Variants in CCDC39 observed in about 807,000 individuals in gnomAD.
CCDC39 encodes coiled-coil domain-containing protein 39.
Under a neutral mutation model 121.0 loss-of-function variants are expected in CCDC39, and 113 were observed. The ratio of observed to expected loss-of-function variants is 0.93; its 90% CI spans 0.80 to 1.09. The LOEUF (loss-of-function observed/expected upper bound fraction) is 1.09. Among genes scored for constraint, CCDC39 ranks in the 50% least tolerant of loss-of-function variants. The probability of loss-of-function intolerance (pLI) is 0.00; values close to 1 mark genes in which losing one functional copy is unlikely to be tolerated. For missense variants in CCDC39, 1,063 were observed against 1,074.7 expected (o/e 0.99, Z 0.15); for synonymous variants, 349 against 352.2 (o/e 0.99, Z 0.10).
At chr3:180,632,067 A>G (rs962693361) in intron 13 of CCDC39, among the ~76,000 whole-genome samples, 8 of 152,188 alleles carry the variant, frequency 5.3e-5, no homozygotes, top group African/African-American at 1.9e-4. Flanking sequence ...GTAGATTTGC[A>G]TCACAGCTGA....
chr3:180,624,602 G>A (rs545532017), intron 14 of CCDC39, among the ~76,000 whole-genome samples: 1 of 151,836 alleles, frequency 6.6e-6, no homozygotes, highest in African/African-American at 2.4e-5. Flanking sequence ...CTGTACTTTT[G>A]TGTGTTTTCA....
At chr3:180,638,206 T>C (rs918941593) in intron 13 of CCDC39, among the ~76,000 whole-genome samples, 6 of 152,008 alleles carry the variant, frequency 3.9e-5, no homozygotes, top group Admixed American at 2.0e-4. Context: ...TCCCAAAGCT[T>C]CCAGAAAGAA....
chr3:180,631,234 C>A (rs1057386970), intron 14 of CCDC39, among the ~76,000 whole-genome samples: 1 of 151,148 alleles, frequency 6.6e-6, no homozygotes. Flanking sequence ...CAGTGCTTGA[C>A]CTCACGGACT....
chr3:180,661,230 A>G (rs1199968855), intron 3 of CCDC39, among the ~76,000 whole-genome samples: 1 of 152,060 alleles, frequency 6.6e-6, no homozygotes, highest in Non-Finnish European at 1.5e-5. Context: ...AGATAAAAAC[A>G]TTTATGTATA....
intron 10 of CCDC39, among the ~76,000 whole-genome samples, chr3:180,647,950 C>T (rs1050064081): frequency 2.6e-5 from 4 of 151,966 alleles, no homozygotes; most frequent in African/African-American, 7.3e-5. Flanking sequence ...CTAGAGTTCT[C>T]TCTCCTCTTG....
At chr3:180,669,806 G>A (rs1057250805) in intron 1 of CCDC39, among the ~76,000 whole-genome samples, 1 of 152,018 alleles carries the variant, frequency 6.6e-6, no homozygotes, top group Admixed American at 6.6e-5. Flanking sequence ...TGATTATCTT[G>A]ACCAGTATCT....
chr3:180,628,375 T>C (rs915154075), intron 14 of CCDC39, among the ~76,000 whole-genome samples: 1 of 152,072 alleles, frequency 6.6e-6, no homozygotes, highest in Non-Finnish European at 1.5e-5. Context: ...ACCCGGCTAA[T>C]TTTTTGTATT....
At chr3:180,657,125 A>G (rs1711600444) in intron 6 of CCDC39, among the ~76,000 whole-genome samples, 2 of 152,222 alleles carry the variant, frequency 1.3e-5, no homozygotes, top group South Asian at 4.1e-4. Flanking sequence ...CTTTCTGGTA[A>G]CAGTATGAAA....
At position 180,614,856 on chromosome 3, in the gene CCDC39, G is replaced by A. The variant is rs529451919; in HGVS notation, c.*65C>T. 6.5e-5 allele frequency: 93 copies of A among 1,425,406 alleles called. 1 individual carries two copies. The African/African-American group carries it at 8.9e-4, about 14-fold the overall frequency. The allele number at this position is 1,425,406 out of a possible 1,614,324, so 88.3% of individuals were successfully genotyped here. ...TCCACTAGATAAAATGTGTTGGGTC[G>A]TTTTGTATTTTAAAGTATATTTTTG... On this transcript the variant is annotated 3_prime_UTR_variant, in exon 20 of 20. Coordinates refer to ENST00000476379, the MANE Select transcript of CCDC39 (RefSeq NM_181426.2).
chr3:180,637,477 G>A (rs1489036760), intron 13 of CCDC39, among the ~76,000 whole-genome samples: 2 of 152,164 alleles, frequency 1.3e-5, no homozygotes, highest in African/African-American at 2.4e-5. Context: ...TACAATATTG[G>A]TGGGAATGTA....
intron 13 of CCDC39, 37 bp from the exon 14 acceptor site, chr3:180,631,629 TAC>T (rs1717700657): frequency 1.9e-6 from 3 of 1,555,598 alleles, no homozygotes; most frequent in Admixed American, 3.9e-5. Flanking sequence ...ATGAATAACA[TAC>T]TTTACAATTT....
chr3:180,661,781 G>GA (rs960073687), intron 3 of CCDC39, 80 bp downstream of exon 3: 9,965 of 1,170,240 alleles, frequency 8.5e-3, no homozygotes, highest in South Asian at 9.6e-3. Context: ...TCCCATACAA[G>GA]AAAAAAAAAA....
chr3:180,677,982 T>A (rs1316687918), intron 1 of CCDC39, among the ~76,000 whole-genome samples: 1 of 152,198 alleles, frequency 6.6e-6, no homozygotes, highest in Non-Finnish European at 1.5e-5. Flanking sequence ...TATACTTTTT[T>A]AAAAGAGCTA....
rs73885304 is a variant in CCDC39 at position 180,619,182 on chromosome 3, G to A, written c.2265+77C>T. ...AAATAACTGTCTTCTTGGTGGAAGAGCAAGAGAATAGAAGTAGCAGTAATG... is the reference window on the plus strand; with the variant it reads ...AAATAACTGTCTTCTTGGTGGAAGAACAAGAGAATAGAAGTAGCAGTAATG... On this transcript the variant is annotated intron_variant, in intron 16 of 19. Transcript: ENST00000476379. 1.7e-3 allele frequency: 1,243 copies of A among 728,726 alleles called. 9 individuals are homozygous for A. In the African/African-American group the frequency reaches 0.019, roughly 11 times the overall value. 45.1% of individuals were successfully genotyped at this position (728,726 alleles called of 1,614,324 possible).
intron 1 of CCDC39, among the ~76,000 whole-genome samples, chr3:180,677,195 TATATATATATATATATATA>T (rs1220591036): frequency 4.8e-5 from 5 of 103,956 alleles, no homozygotes; most frequent in African/African-American, 1.8e-4. Context: ...TATATATATA[TATATATATATATATATATA>T]TAAAATCACA....
Position 180,651,396 on chromosome 3 carries a change from T to G in CCDC39, c.1167+5A>C. ...ATTTAAAGAAAAATTAAAACTAAAC[T>G]TTACCTTCACATCTTTTTCCTCCTC... On this transcript the variant is annotated splice_donor_5th_base_variant and intron_variant, in intron 9 of 19. Coordinates refer to ENST00000476379, the MANE Select transcript of CCDC39 (RefSeq NM_181426.2). 1.3e-6 allele frequency: 2 copies of G among 1,551,580 alleles called. No homozygotes were observed. Among genetic ancestry groups the G allele is most frequent in the Non-Finnish European group, 1.7e-6 (2 of 1,146,650 alleles).
chr3:180,654,941 T>C lies in CCDC39; in HGVS notation c.751A>G (p.Ile251Val). Residue 251 changes from isoleucine to valine, a missense_variant, in exon 7 of 20, where the codon ATA (isoleucine) becomes GTA (valine). Transcript: ENST00000476379. ...IDNCALELAR[I>V]KQETREKENL... Reference sequence around the variant, plus strand: ...TCTTTTTCTCTCGTTTCCTGCTTTATCCTTGCTAATTCCTAGGATTAAAAC... The same window carrying C: ...TCTTTTTCTCTCGTTTCCTGCTTTACCCTTGCTAATTCCTAGGATTAAAAC... The C allele has an allele frequency of 6.4e-7, 1 of 1,559,152 alleles. No homozygotes were observed. Among genetic ancestry groups the C allele is most frequent in the Non-Finnish European group, 8.6e-7 (1 of 1,157,346 alleles).
At chr3:180,665,952 T>G (rs952975261) in intron 1 of CCDC39, among the ~76,000 whole-genome samples, 3 of 152,184 alleles carry the variant, frequency 2.0e-5, no homozygotes, top group African/African-American at 7.2e-5. Flanking sequence ...ATTATAATTT[T>G]TTAATTTTGG....
chr3:180,638,704 G>C (rs1181978112), intron 13 of CCDC39, among the ~76,000 whole-genome samples: 3 of 151,930 alleles, frequency 2.0e-5, no homozygotes, highest in African/African-American at 7.2e-5. Flanking sequence ...TTAGGAAGGG[G>C]AAAATAATAG....
Sources: gnomAD v4.1 joint callset for allele counts (sites outside exome capture counted in the v4.1 genomes callset) on GRCh38, gnomAD v4.1.1 for gene constraint, MANE v1.5 for transcripts, NCBI Gene and HGNC (gene_info 2026-07-23, HGNC 2026-07-21) for gene names.